PIK3R4: variants seen among roughly 807,000 people sequenced by gnomAD.
PIK3R4 encodes the protein phosphoinositide-3-kinase regulatory subunit 4.
Under a neutral mutation model 136.5 loss-of-function variants are expected in PIK3R4, and 46 were observed. The observed-to-expected ratio is 0.34, with a 90% CI of 0.27 to 0.43. PIK3R4 has a LOEUF of 0.43. PIK3R4 is among the 20% of genes least tolerant of loss of function. The pLI, the probability that PIK3R4 is intolerant of heterozygous loss-of-function variation, is 1.00. For missense variants in PIK3R4, 1,331 were observed against 1,649.5 expected (o/e 0.81, Z 3.35); for synonymous variants, 557 against 566.7 (o/e 0.98, Z 0.24).
Position 130,736,001 on chromosome 3 carries a change from A to T in PIK3R4, c.735T>A (p.Gly245=). The change falls in exon 3 of 20, where the codon GGT becomes GGA. Residue 245 remains glycine, a splice_region_variant and synonymous_variant. Coordinates refer to ENST00000356763, the MANE Select transcript of PIK3R4 (RefSeq NM_014602.3). ...CTGTAAAAAGCTCAGCTATCACACA[A>T]CCTGAAAAATAGCAGGTATAATTCT... is the stretch of plus-strand genomic sequence containing the variant. ...LKRAMDIFSA[G]CVIAELFTEG... The T allele has an allele frequency of 6.2e-7, 1 of 1,605,760 alleles. No individual in the cohort carries two copies. Among genetic ancestry groups the T allele is most frequent in the Non-Finnish European group, 8.5e-7 (1 of 1,176,762 alleles).
At chr3:130,740,912 G>A (rs778794300) in intron 2 of PIK3R4, among the ~76,000 whole-genome samples, 8 of 152,136 alleles carry the variant, frequency 5.3e-5, no homozygotes, top group Non-Finnish European at 8.8e-5. Flanking sequence ...TGGGTAAAGT[G>A]TATATGGGTG....
chr3:130,742,946 G>C (rs889733617), intron 2 of PIK3R4, among the ~76,000 whole-genome samples: 2 of 152,130 alleles, frequency 1.3e-5, no homozygotes, highest in African/African-American at 4.8e-5. Context: ...TGAATGCATG[G>C]TACATTTTTC....
At chr3:130,735,766 C>T (rs1422793480) in intron 3 of PIK3R4, 103 bp downstream of exon 3, 12 of 1,035,702 alleles carry the variant, frequency 1.2e-5, no homozygotes, top group East Asian at 2.4e-5. Flanking sequence ...TGGTGTTTTA[C>T]TGCTTGATTC....
At chr3:130,706,889 A>G in intron 11 of PIK3R4, 59 bp downstream of exon 11, 1 of 1,420,880 alleles carries the variant, frequency 7.0e-7, no homozygotes, top group Non-Finnish European at 9.5e-7. Flanking sequence ...TTAAACAACC[A>G]AAATAGCAGA....
intron 2 of PIK3R4, 88 bp downstream of exon 2, chr3:130,744,398 T>C (rs965405683): frequency 7.2e-7 from 1 of 1,390,150 alleles, no homozygotes; most frequent in African/African-American, 1.4e-5. Flanking sequence ...AACTTTTCAA[T>C]ATCTGGTGAC....
At chr3:130,731,137 C>CA (rs1559829776) in intron 4 of PIK3R4, among the ~76,000 whole-genome samples, 1 of 152,190 alleles carries the variant, frequency 6.6e-6, no homozygotes, top group Non-Finnish European at 1.5e-5. Flanking sequence ...CATTTACTAT[C>CA]AATTGTATCT....
At position 130,734,141 on chromosome 3, in the gene PIK3R4, G is replaced by T; in HGVS notation, c.868-11C>A. 6.4e-7 allele frequency: 1 copy of T among 1,564,170 alleles called. No individual in the cohort carries two copies. ...AATCATCTGAGTTACCTATACCAAG[G>T]GAAGAAAAGGAATTAAAATAGATTT... On this transcript the variant is annotated splice_polypyrimidine_tract_variant and intron_variant, in intron 3 of 19. Transcript: ENST00000356763.
At position 130,730,517 on chromosome 3, in the gene PIK3R4, G is replaced by A. The variant is rs1023557799; in HGVS notation, c.1451-75C>T. ...TAAAGCTTATTAACTTTTCCTCCCT[G>A]TCTTTATACATAAATAATCATAAGC... On this transcript the variant is annotated intron_variant, in intron 4 of 19. Coordinates refer to ENST00000356763, the MANE Select transcript of PIK3R4 (RefSeq NM_014602.3). 6 of 1,019,354 alleles carry A rather than the reference G, an allele frequency of 5.9e-6. No individual in the cohort carries two copies. In the African/African-American group the frequency reaches 8.4e-5, roughly 14 times the overall value. The allele number at this position is 1,019,354 out of a possible 1,614,324, so 63.1% of individuals were successfully genotyped here.
intron 16 of PIK3R4, 144 bp downstream of exon 16, chr3:130,684,106 A>G (rs934875813): frequency 7.5e-6 from 5 of 668,792 alleles, no homozygotes; most frequent in Non-Finnish European, 1.3e-5. Flanking sequence ...TGAGGTATCA[A>G]TAGTGGCAAC....
intron 12 of PIK3R4, 37 bp downstream of exon 12, chr3:130,705,524 A>G (rs771939159): frequency 7.4e-7 from 1 of 1,349,916 alleles, no homozygotes; most frequent in Non-Finnish European, 1.1e-6. Context: ...TTAAGCACCT[A>G]GACTAGACTA....
At position 130,735,783 on chromosome 3, in the gene PIK3R4, T is replaced by C. The variant is rs76687303; in HGVS notation, c.867+86A>G. On this transcript the variant is annotated intron_variant, in intron 3 of 19. Coordinates refer to ENST00000356763, the MANE Select transcript of PIK3R4 (RefSeq NM_014602.3). ...GTGTTTTACTGCTTGATTCCAAATT[T>C]ACAACATTCCAGAAATCTGATTAAA... is the stretch of plus-strand genomic sequence containing the variant. 4.8e-3 allele frequency: 5,947 copies of C among 1,242,224 alleles called. 212 individuals are homozygous for C. In the African/African-American group the frequency reaches 0.079, roughly 17 times the overall value. The allele number at this position is 1,242,224 out of a possible 1,614,324, so 77.0% of individuals were successfully genotyped here.
intron 7 of PIK3R4, among the ~76,000 whole-genome samples, chr3:130,720,908 A>G (rs2066696120): frequency 6.6e-6 from 1 of 152,120 alleles, no homozygotes; most frequent in South Asian, 2.1e-4. Flanking sequence ...GTGGTGGCAC[A>G]TGCTTGTGGT....
chr3:130,686,711 T>A (rs2066493020), intron 14 of PIK3R4, among the ~76,000 whole-genome samples: 2 of 152,142 alleles, frequency 1.3e-5, no homozygotes, highest in South Asian at 4.1e-4. Flanking sequence ...TACTAGTAAT[T>A]AGAGTACAGA....
intron 2 of PIK3R4, among the ~76,000 whole-genome samples, chr3:130,743,464 T>C (rs1023316906): frequency 1.3e-5 from 2 of 152,148 alleles, no homozygotes; most frequent in African/African-American, 4.8e-5. Context: ...AAATACATGT[T>C]GTACATCTTC....
chr3:130,725,982 A>C (rs1321443643), intron 6 of PIK3R4: 1 of 152,120 alleles, frequency 6.6e-6, no homozygotes, highest in Non-Finnish European at 1.5e-5. Flanking sequence ...ATGCAAAATG[A>C]TATCATCTTT....
In PIK3R4 at chr3:130,733,665, G is replaced by T; in HGVS notation, c.1333C>A (p.Leu445Ile). The change falls in exon 4 of 20, where the codon CTT becomes ATT. Residue 445 changes from leucine to isoleucine, a missense_variant. This residue lies in a region of PIK3R4 where 1,180 missense variants were observed against 1,407.0 expected (regional missense o/e 0.84). Transcript: ENST00000356763. Reference protein sequence around the residue: ...AEALRTLTKVLALVKEVPRND... With the variant: ...AEALRTLTKVIALVKEVPRND... ...CGAGGAACCTCTTTGACGAGAGCAA[G>T]AACTTTGGTCAACGTCCTCAAGGCT... 6.2e-7 allele frequency: 1 copy of T among 1,614,052 alleles called. No individual in the cohort carries two copies.
intron 11 of PIK3R4, 36 bp downstream of exon 11, chr3:130,706,912 G>C (rs951329165): frequency 6.6e-7 from 1 of 1,524,274 alleles, no homozygotes; most frequent in Non-Finnish European, 8.8e-7. Context: ...AGCGTTCAAA[G>C]ACATTAGGAG....
intron 8 of PIK3R4, among the ~76,000 whole-genome samples, chr3:130,716,875 T>C (rs2066667961): frequency 6.6e-6 from 1 of 152,178 alleles, no homozygotes; most frequent in Non-Finnish European, 1.5e-5. Context: ...AAGAGCCTTT[T>C]CTAGATCCCA....
intron 2 of PIK3R4, among the ~76,000 whole-genome samples, chr3:130,739,711 T>C (rs2066809789): frequency 6.6e-6 from 1 of 151,956 alleles, no homozygotes; most frequent in Non-Finnish European, 1.5e-5. Context: ...GGTTATTAGT[T>C]GCAAGGGATT....
Sources: allele counts gnomAD v4.1 joint callset (sites outside exome capture counted in the v4.1 genomes callset), GRCh38; gene constraint gnomAD v4.1.1; regional missense constraint gnomAD v4.1.1; transcripts MANE v1.5; gene names NCBI Gene and HGNC (gene_info 2026-07-23, HGNC 2026-07-21).